Variants in GALNT13 observed in about 807,000 individuals in gnomAD.
GALNT13 encodes the protein polypeptide N-acetylgalactosaminyltransferase 13, also known as UDP-GalNAc:polypeptide N-acetylgalactosaminyltransferase 13.
A neutral mutation model predicts 64.2 loss-of-function variants in GALNT13; 28 were observed. That is an observed-to-expected ratio of 0.44 (90% CI 0.32 to 0.60). The LOEUF (loss-of-function observed/expected upper bound fraction) is 0.60. Among genes scored for constraint, GALNT13 ranks in the 20% least tolerant of loss-of-function variants. The probability of loss-of-function intolerance (pLI) is 0.05; values close to 1 mark genes in which losing one functional copy is unlikely to be tolerated. For synonymous variants in GALNT13, 214 were observed against 224.6 expected (o/e 0.95, Z 0.42); for missense variants, 577 against 669.8 (o/e 0.86, Z 1.53).
chr2:153,286,927 A>AC, the GALNT13 span, among the ~76,000 whole-genome samples: 1 of 152,240 alleles, frequency 6.6e-6, no homozygotes, highest in South Asian at 2.1e-4. Flanking sequence ...AAGAAAAAAA[A>AC]ACCTTATAAA....
chr2:153,522,270 T>G, the GALNT13 span, among the ~76,000 whole-genome samples: 1 of 150,904 alleles, frequency 6.6e-6, no homozygotes, highest in Admixed American at 6.6e-5. Flanking sequence ...GAGGTGGAGG[T>G]CGCAGTGAGC....
At chr2:153,192,709 A>G in the GALNT13 span, among the ~76,000 whole-genome samples, 1 of 151,912 alleles carries the variant, frequency 6.6e-6, no homozygotes, top group East Asian at 1.9e-4. Context: ...GAACTGTTAT[A>G]TCCTTTGGTT....
the GALNT13 span, among the ~76,000 whole-genome samples, chr2:153,069,156 G>A: frequency 1.1e-4 from 17 of 152,314 alleles, no homozygotes; most frequent in Middle Eastern, 0.01. Flanking sequence ...GGAGATGTGT[G>A]CTGCCTTTCA....
chr2:153,190,900 C>T, the GALNT13 span, among the ~76,000 whole-genome samples: 2 of 151,924 alleles, frequency 1.3e-5, no homozygotes, highest in South Asian at 2.1e-4. Context: ...TATATAAATG[C>T]TACTGATTTT....
chr2:153,289,206 C>A, the GALNT13 span, among the ~76,000 whole-genome samples: 60 of 152,284 alleles, frequency 3.9e-4, no homozygotes, highest in Non-Finnish European at 5.6e-4. Context: ...TCTGTATTCA[C>A]AATGGTGGGT....
At chr2:153,298,008 G>C in the GALNT13 span, among the ~76,000 whole-genome samples, 150 of 152,234 alleles carry the variant, frequency 9.9e-4, 1 homozygote, top group African/African-American at 3.5e-3. Context: ...AAACTAGGCT[G>C]GTTCTGAGCA....
chr2:154,196,647 G>A (rs1206118472), intron 4 of GALNT13, among the ~76,000 whole-genome samples: 2 of 152,198 alleles, frequency 1.3e-5, no homozygotes, highest in African/African-American at 2.4e-5. Context: ...CTAAAAGGAA[G>A]CTACTACCGG....
the GALNT13 span, among the ~76,000 whole-genome samples, chr2:153,140,915 C>A: frequency 6.6e-6 from 1 of 151,886 alleles, no homozygotes; most frequent in Non-Finnish European, 1.5e-5. Flanking sequence ...TAATTCAACA[C>A]CTTTCAGTAT....
intron 1 of GALNT13, among the ~76,000 whole-genome samples, chr2:153,893,217 C>A (rs1239843093): frequency 6.6e-6 from 1 of 151,986 alleles, no homozygotes; most frequent in Non-Finnish European, 1.5e-5. Flanking sequence ...CAACCACATT[C>A]GTCAAAAAAT....
At chr2:153,994,428 A>T (rs1373871051) in intron 3 of GALNT13, among the ~76,000 whole-genome samples, 1 of 152,192 alleles carries the variant, frequency 6.6e-6, no homozygotes, top group Non-Finnish European at 1.5e-5. Context: ...TTGGGTGTAT[A>T]CCCAGTAATG....
chr2:153,201,606 T>A, the GALNT13 span: 1 of 152,228 alleles, frequency 6.6e-6, no homozygotes. Context: ...TTTATAGCTC[T>A]TTTGTCATCC....
intron 4 of GALNT13, among the ~76,000 whole-genome samples, chr2:154,162,847 C>T (rs895020755): frequency 6.6e-6 from 1 of 151,998 alleles, no homozygotes; most frequent in East Asian, 1.9e-4. Flanking sequence ...ATGTATTTTA[C>T]ACCTTCTTTT....
the GALNT13 span, among the ~76,000 whole-genome samples, chr2:153,104,881 CTTT>C: frequency 6.6e-6 from 1 of 151,724 alleles, no homozygotes; most frequent in African/African-American, 2.4e-5. Context: ...ACTTCCTTTT[CTTT>C]TTTTTATTAT....
intron 2 of GALNT13, among the ~76,000 whole-genome samples, chr2:153,932,256 C>T (rs1173773656): frequency 6.6e-6 from 1 of 151,742 alleles, no homozygotes; most frequent in Non-Finnish European, 1.5e-5. Flanking sequence ...TCATTGATCT[C>T]TTCTATGGTT....
chr2:153,371,288 G>C, the GALNT13 span, among the ~76,000 whole-genome samples: 4 of 152,262 alleles, frequency 2.6e-5, no homozygotes, highest in Non-Finnish European at 5.9e-5. Flanking sequence ...AGGCATCAGT[G>C]TCATTTTCCA....
chr2:153,362,553 CAAAAAA>C, the GALNT13 span, among the ~76,000 whole-genome samples: 15 of 80,314 alleles, frequency 1.9e-4, no homozygotes, highest in Non-Finnish European at 2.3e-4. Flanking sequence ...AAATGGAGAG[CAAAAAA>C]AAAAAAAAAA....
the GALNT13 span, among the ~76,000 whole-genome samples, chr2:153,311,501 T>A: frequency 6.6e-6 from 1 of 152,158 alleles, no homozygotes; most frequent in African/African-American, 2.4e-5. Flanking sequence ...ACGGGAACAG[T>A]TTAGCTGAGT....
the GALNT13 span, among the ~76,000 whole-genome samples, chr2:153,818,808 T>C: frequency 6.6e-6 from 1 of 152,130 alleles, no homozygotes; most frequent in Non-Finnish European, 1.5e-5. Flanking sequence ...GCATTTTACC[T>C]GCATCCCAGA....
the GALNT13 span, among the ~76,000 whole-genome samples, chr2:153,506,624 C>T: frequency 6.6e-6 from 1 of 152,164 alleles, no homozygotes; most frequent in South Asian, 2.1e-4. Context: ...ATACAAAATT[C>T]TTGGCTGATA....
Sources: allele counts gnomAD v4.1 joint callset (sites outside exome capture counted in the v4.1 genomes callset), GRCh38; gene constraint gnomAD v4.1.1; transcripts MANE v1.5; gene names NCBI Gene and HGNC (gene_info 2026-07-23, HGNC 2026-07-21).